The following ERBB4 variants were observed in gnomAD, a reference collection of about 807,000 sequenced individuals.
The protein encoded by ERBB4 is receptor tyrosine-protein kinase erbB-4.
A neutral mutation model predicts 158.0 loss-of-function variants in ERBB4; 42 were observed. The ratio of observed to expected loss-of-function variants is 0.27; its 90% CI spans 0.21 to 0.34. The LOEUF is 0.34. Ranked by LOEUF, ERBB4 falls within the 10% of genes least tolerant of loss-of-function variation. ERBB4 has a pLI of 1.00. For missense variants in ERBB4, 1,333 were observed against 1,624.1 expected (o/e 0.82, Z 3.08); for synonymous variants, 583 against 558.7 (o/e 1.04, Z -0.61).
At chr2:212,074,193 T>C (rs1341961478) in intron 2 of ERBB4, among the ~76,000 whole-genome samples, 1 of 151,908 alleles carries the variant, frequency 6.6e-6, no homozygotes, top group Non-Finnish European at 1.5e-5. Flanking sequence ...TCTGTAAAAA[T>C]GCAAAAAGAT....
chr2:212,129,907 C>A (rs2125582880), intron 1 of ERBB4, among the ~76,000 whole-genome samples: 1 of 152,032 alleles, frequency 6.6e-6, no homozygotes, highest in Admixed American at 6.5e-5. Context: ...ACAGTATATT[C>A]ATCATAAATT....
intron 2 of ERBB4, among the ~76,000 whole-genome samples, chr2:211,965,253 T>G (rs1192617508): frequency 6.6e-6 from 1 of 152,234 alleles, no homozygotes; most frequent in East Asian, 1.9e-4. Flanking sequence ...TCTCAGTATG[T>G]TACTGAAAAA....
chr2:212,277,260 T>C (rs2085575728), intron 1 of ERBB4, among the ~76,000 whole-genome samples: 1 of 151,770 alleles, frequency 6.6e-6, no homozygotes, highest in African/African-American at 2.4e-5. Context: ...AAGTAAAATA[T>C]AAAATCATGC....
At position 211,713,654 on chromosome 2, in the gene ERBB4, TAAAAA is replaced by T; in HGVS notation, c.884-11_884-7del. 1 of 1,247,840 alleles carries T rather than the reference TAAAAA, an allele frequency of 8.0e-7. No homozygotes were observed. The highest frequency in any genetic ancestry group is 1.1e-6 in the Non-Finnish European group (1 of 877,940). The allele number at this position is 1,247,840 out of a possible 1,614,324, so 77.3% of individuals were successfully genotyped here. On this transcript the variant is annotated splice_polypyrimidine_tract_variant and splice_region_variant and intron_variant, in intron 7 of 27. Transcript: ENST00000342788. ...GGAATCTACCACAAAGTTATCTGAT[TAAAAA>T]AAAAAAAAAGGTAAAATAAGCATTA...
At chr2:211,668,154 A>T (rs1425816297) in intron 14 of ERBB4, among the ~76,000 whole-genome samples, 1 of 152,226 alleles carries the variant, frequency 6.6e-6, no homozygotes, top group Non-Finnish European at 1.5e-5. Context: ...ACATATCTAA[A>T]TGTAGAAAGG....
intron 1 of ERBB4, among the ~76,000 whole-genome samples, chr2:212,247,493 T>C (rs1017785185): frequency 3.3e-5 from 5 of 152,214 alleles, no homozygotes; most frequent in African/African-American, 1.2e-4. Context: ...CAGCATATTT[T>C]TATTTAGAAA....
At chr2:211,576,767 C>T (rs949960925) in intron 19 of ERBB4, among the ~76,000 whole-genome samples, 1 of 151,894 alleles carries the variant, frequency 6.6e-6, no homozygotes, top group Non-Finnish European at 1.5e-5. Context: ...ATATAAATTT[C>T]CTATGATAAC....
chr2:211,651,950 TTTTG>T (rs2071004912), intron 16 of ERBB4, among the ~76,000 whole-genome samples: 1 of 152,272 alleles, frequency 6.6e-6, no homozygotes, highest in African/African-American at 2.4e-5. Context: ...CTGTGTTTTG[TTTTG>T]TTTGTTTATT....
intron 2 of ERBB4, among the ~76,000 whole-genome samples, chr2:211,994,793 G>A (rs10175279): frequency 0.36 from 54,564 of 152,044 alleles, 11,633 homozygotes; most frequent in Non-Finnish European, 0.5. Flanking sequence ...TTACCTGAGA[G>A]AGCAACAGCA....
chr2:211,701,910 G>T (rs1008625418), intron 12 of ERBB4, 57 bp downstream of exon 12: 4 of 1,315,976 alleles, frequency 3.0e-6, no homozygotes, highest in Non-Finnish European at 4.4e-6. Context: ...TTGGTCCAAA[G>T]AAGAATGGGA....
intron 20 of ERBB4, among the ~76,000 whole-genome samples, chr2:211,469,617 C>T (rs1248071861): frequency 6.6e-6 from 1 of 152,084 alleles, no homozygotes; most frequent in African/African-American, 2.4e-5. Context: ...TGGTTAAGAA[C>T]TGAAGTCTTT....
intron 1 of ERBB4, among the ~76,000 whole-genome samples, chr2:212,380,707 G>A (rs900895088): frequency 6.6e-6 from 1 of 150,628 alleles, no homozygotes; most frequent in Non-Finnish European, 1.5e-5. Context: ...TAGGCTCTTT[G>A]AAAATGTATC....
chr2:211,535,589 A>ATGTATGTGTGTG (rs1553561683), intron 20 of ERBB4: 374 of 144,828 alleles, frequency 2.6e-3, no homozygotes, highest in African/African-American at 9.0e-3. Context: ...GAGAGAGTGT[A>ATGTATGTGTGTG]TGTGTGTGTG....
chr2:211,434,661 T>C (rs1481129503), intron 20 of ERBB4, among the ~76,000 whole-genome samples: 1 of 152,206 alleles, frequency 6.6e-6, no homozygotes, highest in Middle Eastern at 3.2e-3. Flanking sequence ...ACACAAAGCC[T>C]CAGCAAGTGA....
chr2:212,161,782 C>A (rs16847805), intron 1 of ERBB4, among the ~76,000 whole-genome samples: 3,787 of 151,898 alleles, frequency 0.025, 158 homozygotes, highest in African/African-American at 0.086. Flanking sequence ...ATGAACAAAA[C>A]CACTACTAAA....
At chr2:212,457,146 T>C (rs1688333682) in intron 1 of ERBB4, among the ~76,000 whole-genome samples, 1 of 152,050 alleles carries the variant, frequency 6.6e-6, no homozygotes, top group African/African-American at 2.4e-5. Flanking sequence ...TTTTAAATGT[T>C]TGTATAAATC....
chr2:211,501,339 G>A (rs2065610271), intron 20 of ERBB4, among the ~76,000 whole-genome samples: 1 of 151,692 alleles, frequency 6.6e-6, no homozygotes, highest in Admixed American at 6.6e-5. Flanking sequence ...ATAACTAGAG[G>A]AATGAAATTG....
At chr2:212,233,750 T>A (rs1434832316) in intron 1 of ERBB4, among the ~76,000 whole-genome samples, 1 of 152,020 alleles carries the variant, frequency 6.6e-6, no homozygotes, top group Non-Finnish European at 1.5e-5. Flanking sequence ...TTATAGCAGG[T>A]TTGGCCAAAT....
intron 1 of ERBB4, among the ~76,000 whole-genome samples, chr2:212,430,483 CAGG>C (rs1223014350): frequency 1.3e-5 from 2 of 151,568 alleles, no homozygotes; most frequent in African/African-American, 2.4e-5. Context: ...CTTTGTTGCC[CAGG>C]CTGGAGTGCA....
Sources: gnomAD v4.1 joint callset for allele counts (sites outside exome capture counted in the v4.1 genomes callset) on GRCh38, gnomAD v4.1.1 for gene constraint, MANE v1.5 for transcripts, NCBI Gene and HGNC (gene_info 2026-07-23, HGNC 2026-07-21) for gene names.